DCUN1D3: variants seen among roughly 807,000 people sequenced by gnomAD.
The protein encoded by DCUN1D3 is defective in cullin neddylation 1 domain containing 3.
DCUN1D3 carries 6 observed loss-of-function variants against 24.8 expected under a neutral mutation model. The ratio of observed to expected loss-of-function variants is 0.24; its 90% confidence interval spans 0.13 to 0.48. DCUN1D3 has a LOEUF of 0.48. DCUN1D3 is among the 20% of genes least tolerant of loss of function. The probability of loss-of-function intolerance (pLI) is 0.99; values close to 1 mark genes in which losing one functional copy is unlikely to be tolerated. For synonymous variants in DCUN1D3, 120 were observed against 144.9 expected (o/e 0.83, Z 1.24); for missense variants, 258 against 379.4 (o/e 0.68, Z 2.66).
Position 20,860,408 on chromosome 16 carries a change from CTA to C in DCUN1D3, c.432-41_432-40del. 6.3e-7 allele frequency: 1 copy of C among 1,577,958 alleles called. No individual in the cohort carries two copies. Among genetic ancestry groups the C allele is most frequent in the East Asian group, 2.2e-5 (1 of 44,616 alleles). On this transcript the variant is annotated intron_variant, in intron 2 of 2. Transcript: ENST00000324344. The surrounding 1 kb of genome is among the most constrained non-coding windows in gnomAD (Gnocchi z 4.3). ...GAAAAGGACAATTAATCATTATAAA[CTA>C]TACTATTTACAGGCAATATACATAG...
Position 20,900,220 on chromosome 16 carries a change from C to T in DCUN1D3, c.-122G>A, listed in dbSNP as rs928253052. On this transcript the variant is annotated 5_prime_UTR_variant, in exon 1 of 3. Coordinates refer to ENST00000324344, the MANE Select transcript of DCUN1D3 (RefSeq NM_173475.4). ...AAAACTCACAGCTGCTCCAGAGGTT[C>T]CTCCAGTCAAACCCTTTCTGGAAAC... The T allele has an allele frequency of 6.9e-6, 1 of 145,926 alleles. No homozygotes were observed. The highest frequency in any genetic ancestry group is 2.5e-5 in the African/African-American group (1 of 39,710). 9.0% of individuals were successfully genotyped at this position (145,926 alleles called of 1,614,324 possible).
intron 1 of DCUN1D3, among the ~76,000 whole-genome samples, chr16:20,885,318 AC>A (rs2081863658): frequency 6.6e-6 from 1 of 152,116 alleles, no homozygotes; most frequent in Non-Finnish European, 1.5e-5. Context: ...AACACTTGGC[AC>A]AGGGACCTAT....
At chr16:20,871,365 A>G (rs950919518) in intron 1 of DCUN1D3, among the ~76,000 whole-genome samples, 1 of 152,230 alleles carries the variant, frequency 6.6e-6, no homozygotes, top group Non-Finnish European at 1.5e-5. Context: ...AAGAGGGAGG[A>G]AGGAAGGGAG....
intron 1 of DCUN1D3, among the ~76,000 whole-genome samples, chr16:20,880,617 AAAAAAAAAAAAACAG>A (rs1404394388): frequency 8.9e-5 from 13 of 146,498 alleles, no homozygotes; most frequent in African/African-American, 3.4e-4. Context: ...AAAAAAAAAA[AAAAAAAAAAAAACAG>A]AAAAAAGAAA....
At chr16:20,861,732 G>C (rs1425227459) in intron 2 of DCUN1D3, among the ~76,000 whole-genome samples, 1 of 148,062 alleles carries the variant, frequency 6.8e-6, no homozygotes, top group African/African-American at 2.5e-5. Context: ...TATGAATTAG[G>C]CAAAGGCGTT....
chr16:20,877,882 A>G (rs1411134966), intron 1 of DCUN1D3, among the ~76,000 whole-genome samples: 1 of 152,148 alleles, frequency 6.6e-6, no homozygotes, highest in East Asian at 1.9e-4. Context: ...GTTAACTTCA[A>G]ACTTCTGGGC....
At chr16:20,876,736 GT>G (rs1407261772) in intron 1 of DCUN1D3, among the ~76,000 whole-genome samples, 56 of 152,268 alleles carry the variant, frequency 3.7e-4, no homozygotes, top group African/African-American at 1.3e-3. Context: ...TAAAGAAAAT[GT>G]GGTACATATA....
chr16:20,880,948 A>AT (rs972593008), intron 1 of DCUN1D3, among the ~76,000 whole-genome samples: 5 of 151,414 alleles, frequency 3.3e-5, no homozygotes, highest in African/African-American at 7.3e-5. Context: ...TTTCAAAGCT[A>AT]TTTTTTTTTA....
chr16:20,860,474 T>C lies in DCUN1D3; in HGVS notation c.432-105A>G. ...GGCTTTCAGGCCAGATGGTCTGAAT[T>C]TGAATTCTAACTCCTCCAACTAATT... On this transcript the variant is annotated intron_variant, in intron 2 of 2. Transcript: ENST00000324344. This position sits in a 1 kb window ranked among gnomAD's most constrained non-coding sequence, Gnocchi z 4.3. 8.2e-7 allele frequency: 1 copy of C among 1,224,240 alleles called. No homozygotes were observed. The highest frequency in any genetic ancestry group is 1.1e-6 in the Non-Finnish European group (1 of 898,418). The allele number at this position is 1,224,240 out of a possible 1,614,324, so 75.8% of individuals were successfully genotyped here. A position where few individuals can be genotyped will look rare whatever the true frequency, so the allele number is the denominator to read the frequency against.
intron 1 of DCUN1D3, among the ~76,000 whole-genome samples, chr16:20,864,496 A>G (rs535981056): frequency 6.6e-6 from 1 of 151,658 alleles, no homozygotes; most frequent in African/African-American, 2.4e-5. Context: ...AAAAAACAGG[A>G]GATGGTTAGG....
intron 1 of DCUN1D3, among the ~76,000 whole-genome samples, chr16:20,898,111 T>C (rs2081926371): frequency 6.6e-6 from 1 of 152,162 alleles, no homozygotes; most frequent in Non-Finnish European, 1.5e-5. Context: ...TTTCTTCCCA[T>C]TCCCTGGAAC....
intron 1 of DCUN1D3, among the ~76,000 whole-genome samples, chr16:20,865,573 T>G (rs2081757593): frequency 6.6e-6 from 1 of 152,180 alleles, no homozygotes; most frequent in Admixed American, 6.5e-5. Context: ...TAATGAAGTG[T>G]GGACCAGGAG....
chr16:20,866,179 C>T (rs867919640), intron 1 of DCUN1D3, among the ~76,000 whole-genome samples: 8 of 152,128 alleles, frequency 5.3e-5, no homozygotes, highest in African/African-American at 7.2e-5. Flanking sequence ...AGCAACTGTG[C>T]GAGCTGAATT....
intron 1 of DCUN1D3, among the ~76,000 whole-genome samples, chr16:20,898,080 A>G (rs2081926175): frequency 6.6e-6 from 1 of 151,748 alleles, no homozygotes; most frequent in Admixed American, 6.6e-5. Context: ...TCTTTCCACT[A>G]CCTCCCACCT....
rs115318604 is a variant in DCUN1D3 at position 20,879,213 on chromosome 16, G to A, written c.-105-16570C>T. 1.6e-3 allele frequency among the ~76,000 whole-genome samples: 246 copies of A among 152,260 alleles called. 2 individuals carry two copies. Among genetic ancestry groups the A allele is most frequent in the Admixed American group, 5.1e-3 (78 of 15,302 alleles). On this transcript the variant is annotated intron_variant, in intron 1 of 2. Coordinates refer to ENST00000324344, the MANE Select transcript of DCUN1D3 (RefSeq NM_173475.4). ...AGTTTAAACACTGGTAGCTGGAGAC[G>A]GGGTATCACACTACCACATGACTTC...
chr16:20,899,092 G>C (rs1315407413), intron 1 of DCUN1D3, among the ~76,000 whole-genome samples: 1 of 152,252 alleles, frequency 6.6e-6, no homozygotes, highest in African/African-American at 2.4e-5. Flanking sequence ...ACGTGTCACT[G>C]ATGATTTGTG....
intron 1 of DCUN1D3, among the ~76,000 whole-genome samples, chr16:20,873,102 C>T (rs991574671): frequency 7.1e-6 from 1 of 141,738 alleles, no homozygotes; most frequent in African/African-American, 2.7e-5. Context: ...GCCTGGGCTA[C>T]AGAGCGAGAC....
At chr16:20,889,979 C>G (rs1004707812) in intron 1 of DCUN1D3, among the ~76,000 whole-genome samples, 1 of 152,090 alleles carries the variant, frequency 6.6e-6, no homozygotes, top group Admixed American at 6.6e-5. Flanking sequence ...AATCAGAACT[C>G]CGAAACAATG....
intron 1 of DCUN1D3, among the ~76,000 whole-genome samples, chr16:20,890,570 A>G (rs2152518855): frequency 6.6e-6 from 1 of 152,204 alleles, no homozygotes; most frequent in South Asian, 2.1e-4. Flanking sequence ...TTGAAATGAC[A>G]GTGAGCTATG....
Sources: gnomAD v4.1 joint callset for allele counts (sites outside exome capture counted in the v4.1 genomes callset) on GRCh38, gnomAD v4.1.1 for gene constraint, Gnocchi (gnomAD v3.1) non-coding constraint, MANE v1.5 for transcripts, NCBI Gene and HGNC (gene_info 2026-07-23, HGNC 2026-07-21) for gene names.